The following DHX57 variants were observed in gnomAD, a reference collection of about 807,000 sequenced individuals.
DHX57 encodes DExH-box helicase 57.
In DHX57, 105 loss-of-function variants were observed where a neutral mutation model predicts 156.2. The ratio of observed to expected loss-of-function variants is 0.67; its 90% CI spans 0.57 to 0.79. The LOEUF is 0.79. DHX57 is among the 30% of genes least tolerant of loss of function. The pLI is 0.00. For missense variants in DHX57, 1,847 were observed against 1,661.9 expected, an observed-to-expected ratio of 1.11 and a Z score of -1.94; for synonymous variants, 704 against 595.6, an observed-to-expected ratio of 1.18 and a Z score of -2.65.
At chr2:38,834,387 A>T (rs761396807) in intron 13 of DHX57, among the ~76,000 whole-genome samples, 2 of 151,620 alleles carry the variant, frequency 1.3e-5, no homozygotes, top group Non-Finnish European at 2.9e-5. Flanking sequence ...AATGAACTAT[A>T]TAATACAGTA....
chr2:38,813,909 A>G lies in DHX57; in HGVS notation c.3607-14T>C, dbSNP rs902147065. On this transcript the variant is annotated splice_polypyrimidine_tract_variant and intron_variant, in intron 20 of 23. Transcript: ENST00000457308. ...ATTTGAGTTTGCCTATGAGAAAAGC[A>G]CAGCATTAATTAACAAGTGATATGG... The G allele has an allele frequency of 6.2e-7, 1 of 1,611,602 alleles. No individual in the cohort carries two copies. The highest frequency in any genetic ancestry group is 8.5e-7 in the Non-Finnish European group (1 of 1,178,248).
At chr2:38,811,669 G>C (rs1368641120) in intron 21 of DHX57, 9 of 1,127,350 alleles carry the variant, frequency 8.0e-6, no homozygotes, top group East Asian at 2.5e-5. Flanking sequence ...TCTGGGATTG[G>C]AGGTGCAATT....
intron 23 of DHX57, among the ~76,000 whole-genome samples, 162 bp from the exon 24 acceptor site, chr2:38,798,604 C>T (rs1258009582): frequency 1.3e-5 from 2 of 152,190 alleles, no homozygotes; most frequent in Non-Finnish European, 2.9e-5. Context: ...TTGTAATAGA[C>T]TAAATGAGGT....
intron 11 of DHX57, among the ~76,000 whole-genome samples, chr2:38,844,822 T>G (rs903102396): frequency 7.9e-5 from 12 of 152,176 alleles, no homozygotes; most frequent in Middle Eastern, 6.8e-3. Context: ...AAATAACAAG[T>G]AGTCTGAGAG....
chr2:38,838,080 A>C (rs1671777771), intron 12 of DHX57, 133 bp from the exon 13 acceptor site: 2 of 640,580 alleles, frequency 3.1e-6, no homozygotes, highest in Non-Finnish European at 5.5e-6. Flanking sequence ...ATTAACATTT[A>C]ATGTACTGAA....
At chr2:38,807,428 G>A (rs1005986287) in intron 21 of DHX57, among the ~76,000 whole-genome samples, 5 of 151,970 alleles carry the variant, frequency 3.3e-5, no homozygotes, top group African/African-American at 4.8e-5. Flanking sequence ...AGTGATCTGG[G>A]CTCACTGCAA....
chr2:38,836,677 G>A (rs1435555901), intron 13 of DHX57, among the ~76,000 whole-genome samples: 1 of 151,564 alleles, frequency 6.6e-6, no homozygotes, highest in Non-Finnish European at 1.5e-5. Context: ...GGGAAGCTGA[G>A]GCCAGAGGAC....
At chr2:38,826,127 A>G (rs1192072131) in intron 15 of DHX57, 80 bp from the exon 16 acceptor site, 1 of 1,413,706 alleles carries the variant, frequency 7.1e-7, no homozygotes, top group African/African-American at 1.4e-5. Context: ...AGAATAGATG[A>G]ACCAGCTTCC....
At chr2:38,852,828 GA>G (rs1235302882) in intron 9 of DHX57, among the ~76,000 whole-genome samples, 2 of 151,994 alleles carry the variant, frequency 1.3e-5, no homozygotes, top group South Asian at 4.2e-4. Flanking sequence ...AATTTCATAA[GA>G]TAAAATCCAC....
intron 13 of DHX57, among the ~76,000 whole-genome samples, chr2:38,828,830 A>C (rs1464558435): frequency 1.3e-5 from 2 of 152,214 alleles, no homozygotes; most frequent in African/African-American, 4.8e-5. Flanking sequence ...TCTCTGACTT[A>C]ATAAGGACAA....
chr2:38,817,330 T>A (rs111572170), intron 19 of DHX57, among the ~76,000 whole-genome samples: 2 of 151,884 alleles, frequency 1.3e-5, no homozygotes, highest in African/African-American at 4.9e-5. Flanking sequence ...TTATTTATTT[T>A]TTGAGACAAA....
intron 4 of DHX57, 140 bp downstream of exon 4, chr2:38,862,005 T>C: frequency 1.6e-6 from 2 of 1,232,666 alleles, no homozygotes; most frequent in Non-Finnish European, 2.2e-6. Context: ...TGACCCCTTC[T>C]GATAAGATAG....
chr2:38,824,615 C>G (rs1372193744), intron 16 of DHX57, among the ~76,000 whole-genome samples: 1 of 152,166 alleles, frequency 6.6e-6, no homozygotes, highest in Non-Finnish European at 1.5e-5. Flanking sequence ...CTTATTCCTT[C>G]TCACATCTGA....
chr2:38,827,412 G>C (rs1671143742), intron 14 of DHX57, among the ~76,000 whole-genome samples: 1 of 146,728 alleles, frequency 6.8e-6, no homozygotes, highest in Non-Finnish European at 1.5e-5. Flanking sequence ...CTTGAACCTG[G>C]GAGGCGGAGG....
chr2:38,841,375 G>A (rs1209409829), intron 12 of DHX57, among the ~76,000 whole-genome samples: 1 of 152,210 alleles, frequency 6.6e-6, no homozygotes, highest in Non-Finnish European at 1.5e-5. Flanking sequence ...CTGGTTTTAT[G>A]AGAGCCTTGG....
At chr2:38,847,956 A>G (rs2044853) in intron 10 of DHX57, among the ~76,000 whole-genome samples, 139,873 of 151,580 alleles carry the variant, frequency 0.92, 65,623 homozygotes, top group East Asian at 1. Context: ...GGTGGCGGGC[A>G]CCTGTAGTCC....
chr2:38,868,287 C>G lies in DHX57; in HGVS notation c.119G>C (p.Gly40Ala), dbSNP rs1403652000. 1 of 1,613,916 alleles carries G rather than the reference C, an allele frequency of 6.2e-7. No individual in the cohort carries two copies. The highest frequency in any genetic ancestry group is 2.2e-5 in the East Asian group (1 of 44,904). ...GCCACCTCCACCACCACCACCACCG[C>G]CACCGCCACCACTCCCATGAGATTT... is the stretch of plus-strand genomic sequence containing the variant. ...ASKSHGSGGG[G>A]GGGGGGGGGN... Residue 40 changes from glycine (G) to alanine (A), a missense_variant, in exon 2 of 24, where the codon GGC (glycine) becomes GCC (alanine). Physicochemically the swap from Gly to Ala is moderately conservative, Grantham distance 60. Transcript: ENST00000457308.
At chr2:38,848,214 A>G (rs11124651) in intron 10 of DHX57, 55 bp downstream of exon 10, 1 of 1,483,772 alleles carries the variant, frequency 6.7e-7, no homozygotes, top group Non-Finnish European at 9.0e-7. Flanking sequence ...CAAACTTTAA[A>G]ATAATTATAT....
chr2:38,800,121 G>A (rs1354201435), intron 23 of DHX57, among the ~76,000 whole-genome samples: 8 of 151,428 alleles, frequency 5.3e-5, no homozygotes, highest in African/African-American at 1.9e-4. Flanking sequence ...GGAGGCAGAG[G>A]CTGTGGTGAG....
Sources: gnomAD v4.1 joint callset for allele counts (sites outside exome capture counted in the v4.1 genomes callset) on GRCh38, gnomAD v4.1.1 for gene constraint, MANE v1.5 for transcripts, NCBI Gene and HGNC (gene_info 2026-07-23, HGNC 2026-07-21) for gene names.